The following APOB variants were observed in gnomAD, a reference collection of about 807,000 sequenced individuals.
The protein encoded by APOB is apolipoprotein B-100.
In APOB, 153 loss-of-function variants were observed where a neutral mutation model predicts 314.1. The observed-to-expected ratio is 0.49, with a 90% CI of 0.43 to 0.56. The LOEUF (loss-of-function observed/expected upper bound fraction) is 0.56, where lower values mean the gene tolerates loss of function less well. APOB is among the 20% of genes least tolerant of loss of function. The probability of loss-of-function intolerance (pLI) is 0.00; values close to 1 mark genes in which losing one functional copy is unlikely to be tolerated. For missense variants in APOB, 5,430 were observed against 5,350.7 expected (o/e 1.01, Z -0.46); for synonymous variants, 2,087 against 2,036.4 (o/e 1.02, Z -0.67).
chr2:21,036,265 G>C (rs1429135932), intron 6 of APOB, among the ~76,000 whole-genome samples: 3 of 152,162 alleles, frequency 2.0e-5, no homozygotes, highest in African/African-American at 7.2e-5. Flanking sequence ...ATCTGCCACT[G>C]TCCCTTCCTT....
chr2:21,011,269 G>C lies in APOB; in HGVS notation c.5599C>G (p.Arg1867Gly). The change falls in exon 26 of 29, where the codon CGG becomes GGG. Residue 1867 changes from arginine to glycine, a missense_variant. Arg to Gly is a moderately radical substitution (Grantham distance 125). Transcript: ENST00000233242. ...AGCCCAGCGATGTCTGTGTTGAGCC[G>C]ATGGCTAAACTCCACACCCTGAACC... is the stretch of plus-strand genomic sequence containing the variant. ...AKVQGVEFSH[R>G]LNTDIAGLAS... 1 of 1,614,176 alleles carries C rather than the reference G, an allele frequency of 6.2e-7. No individual in the cohort carries two copies. Among genetic ancestry groups the C allele is most frequent in the Non-Finnish European group, 8.5e-7 (1 of 1,180,012 alleles).
At chr2:21,027,066 G>T in intron 14 of APOB, 102 bp from the exon 15 acceptor site, 1 of 1,046,838 alleles carries the variant, frequency 9.6e-7, no homozygotes, top group Non-Finnish European at 1.5e-6. Flanking sequence ...ACAAGTATTT[G>T]AATACCACAG....
chr2:21,035,444 G>A (rs1663978948), intron 7 of APOB, 140 bp downstream of exon 7: 1 of 1,105,572 alleles, frequency 9.0e-7, no homozygotes, highest in Non-Finnish European at 1.3e-6. Context: ...GCTTAAAAAG[G>A]GGGACAGGGA....
At position 21,015,438 on chromosome 2, in the gene APOB, A is replaced by G; in HGVS notation, c.3440T>C (p.Leu1147Pro). Reference protein sequence around the residue: ...ILAHWSPAKLLLQMDSSATAY... With the variant: ...ILAHWSPAKLPLQMDSSATAY... The stretch of plus-strand genomic sequence containing the variant: ...TGTAGCAGATGAGTCCATTTGGAGA[A>G]GCAGTTTGGCAGGCGACCAGTGGGC... The change falls in exon 22 of 29, where the codon CTT becomes CCT. Residue 1147 changes from leucine to proline, a missense_variant. Physicochemically the swap from Leu to Pro is moderately conservative, Grantham distance 98 (BLOSUM62 -3). Around this residue, in one of 3 missense-constraint regions of APOB, gnomAD observed 2,085 missense variants for 2,079.7 expected, o/e 1.00. Transcript: ENST00000233242. 1 of 1,614,186 alleles carries G rather than the reference A, an allele frequency of 6.2e-7. No individual in the cohort carries two copies. Among genetic ancestry groups the G allele is most frequent in the Non-Finnish European group, 8.5e-7 (1 of 1,180,034 alleles).
rs962782390 is a variant in APOB, at chr2:21,010,945, C to A, written c.5923G>T (p.Ala1975Ser). 1.9e-6 allele frequency: 3 copies of A among 1,614,122 alleles called. No individual in the cohort carries two copies. Among genetic ancestry groups the A allele is most frequent in the Non-Finnish European group, 2.5e-6 (3 of 1,180,000 alleles). ...AGTTTCCAGGTGCCTGTCTGCTCAG[C>A]TGGAGTAAGCAGGGCACTGACTTTG... ...EHKVSALLTP[A>S]EQTGTWKLKT... Residue 1975 changes from alanine (A) to serine (S), a missense_variant, in exon 26 of 29, where the codon GCT becomes TCT. Physicochemically the swap from Ala to Ser is moderately conservative, Grantham distance 99 (BLOSUM62 1). Around this residue, in one of 3 missense-constraint regions of APOB, gnomAD observed 3,281 missense variants for 3,171.0 expected, o/e 1.03. Transcript: ENST00000233242.
chr2:21,034,885 C>T lies in APOB; in HGVS notation c.835G>A (p.Val279Ile), dbSNP rs778191896. The part of the protein sequence containing the change: ...PFSYKNKYGM[V>I]AQVTQTLKLE... ...TTCAAAGTCTGTGTCACTTGTGCTA[C>T]CATCCCATACTTATTCCTGGTAACC... The change falls in exon 8 of 29, where the codon GTA becomes ATA. Residue 279 changes from valine to isoleucine, a missense_variant. This residue lies in a region of APOB where 2,085 missense variants were observed against 2,079.7 expected (regional missense o/e 1.00). Transcript: ENST00000233242. 1 of 1,575,098 alleles carries T rather than the reference C, an allele frequency of 6.3e-7. No homozygotes were observed. The highest frequency in any genetic ancestry group is 1.1e-5 in the South Asian group (1 of 90,252).
chr2:21,016,986 A>AAAAAAAT (rs1553384673), intron 20 of APOB, among the ~76,000 whole-genome samples: 3 of 120,268 alleles, frequency 2.5e-5, no homozygotes, highest in African/African-American at 9.7e-5. Context: ...TCCATCTCAA[A>AAAAAAAT]AAATAAATAA....
chr2:21,019,128 A>G lies in APOB; in HGVS notation c.3000-15T>C, dbSNP rs1246657365. The G allele has an allele frequency of 1.2e-6, 2 of 1,614,040 alleles. No individual in the cohort carries two copies. Among genetic ancestry groups the G allele is most frequent in the Non-Finnish European group, 1.7e-6 (2 of 1,179,960 alleles). On this transcript the variant is annotated splice_polypyrimidine_tract_variant and intron_variant, in intron 19 of 28. Coordinates refer to ENST00000233242, the MANE Select transcript of APOB (RefSeq NM_000384.3). ...CCAGCTCTAATCTAAAGACATTACA[A>G]TGAAGACAGTGCATAATGTTAGAGC...
At chr2:21,004,241 G>A in intron 28 of APOB, 28 bp downstream of exon 28, 1 of 1,611,266 alleles carries the variant, frequency 6.2e-7, no homozygotes, top group Non-Finnish European at 8.5e-7. Flanking sequence ...CGCTCTTGGG[G>A]GCGTGTCACT....
rs1463430320 is a variant in APOB at position 21,007,412 on chromosome 2, TAG to T, written c.9454_9455del (p.Leu3152MetfsTer18). On this transcript the variant is annotated frameshift_variant, in exon 26 of 29. Transcript: ENST00000233242. LOFTEE classifies it high-confidence loss of function. The stretch of plus-strand genomic sequence containing the variant: ...ATTCCTTCAAGCCTGTTTTTTCCCA[TAG>T]AGAGAAATCTTTCAGTGGAGGAGTT... Reference protein sequence around the residue: ...ITTPPLKDFSLWEKTGLKEFL... With the variant: ...ITTPPLKDFSXWEKTGLKEFL... The T allele has an allele frequency of 6.2e-7, 1 of 1,614,010 alleles. No homozygotes were observed. The highest frequency in any genetic ancestry group is 8.5e-7 in the Non-Finnish European group (1 of 1,179,934).
rs1160139035 is a variant in APOB at position 21,011,279 on chromosome 2, C to T, written c.5589G>A (p.Glu1863=). The change falls in exon 26 of 29, where the codon GAG becomes GAA. Residue 1863 remains glutamate (E), a synonymous_variant. Coordinates refer to ENST00000233242, the MANE Select transcript of APOB (RefSeq NM_000384.3). ...ADTVAKVQGV[E]FSHRLNTDIA... ...TGTCTGTGTTGAGCCGATGGCTAAA[C>T]TCCACACCCTGAACCTTAGCAACAG... is the stretch of plus-strand genomic sequence containing the variant. 5 of 1,614,110 alleles carry T rather than the reference C, an allele frequency of 3.1e-6. No individual in the cohort carries two copies. The highest frequency in any genetic ancestry group is 1.7e-5 in the Admixed American group (1 of 60,006).
rs189046815 is a variant in APOB at position 21,017,254 on chromosome 2, C to T, written c.3122-605G>A. On this transcript the variant is annotated intron_variant, in intron 20 of 28. Transcript: ENST00000233242. Reference sequence around the variant, plus strand: ...TTGCCTGTTATGAGCCTATTGTGTGCTGGGCACTGCTCTTGGTACTGGGGA... The same window carrying T: ...TTGCCTGTTATGAGCCTATTGTGTGTTGGGCACTGCTCTTGGTACTGGGGA... Among the ~76,000 whole-genome samples the T allele has an allele frequency of 3.2e-3, 486 of 152,012 alleles. 1 individual carries two copies. Among genetic ancestry groups the T allele is most frequent in the African/African-American group, 0.011 (463 of 41,462 alleles).
intron 14 of APOB, 152 bp downstream of exon 14, chr2:21,027,676 G>T: frequency 1.4e-6 from 1 of 718,086 alleles, no homozygotes. Context: ...AGAGGAAGGC[G>T]GGGAAGGAGG....
chr2:21,004,317 CAT>C lies in APOB; in HGVS notation c.12037_12038del (p.Met4013GlyfsTer2), dbSNP rs1487870705. 1 of 1,613,980 alleles carries C rather than the reference CAT, an allele frequency of 6.2e-7. No homozygotes were observed. The highest frequency in any genetic ancestry group is 8.5e-7 in the Non-Finnish European group (1 of 1,179,916). On this transcript the variant is annotated frameshift_variant, in exon 28 of 29. Coordinates refer to ENST00000233242, the MANE Select transcript of APOB (RefSeq NM_000384.3). LOFTEE classifies it low-confidence loss of function (END_TRUNC). ...ATTTAGAAAAGTCGTCATCTTCATCCATATCCATGCCCACGGTGCCTACGGCT... is the reference window on the plus strand; with the variant it reads ...ATTTAGAAAAGTCGTCATCTTCATCCATCCATGCCCACGGTGCCTACGGCT... ...SPAVGTVGMD[M>X]DEDDDFSKWN...
At chr2:21,024,658 G>T (rs1390251457) in intron 16 of APOB, 2 of 575,652 alleles carry the variant, frequency 3.5e-6, no homozygotes, top group Non-Finnish European at 6.2e-6. Flanking sequence ...CTTCAGCAAA[G>T]GTAGAGGAAG....
rs147330870 is a variant in APOB at position 21,023,027 on chromosome 2, C to G, written c.2620G>C (p.Val874Leu). The change falls in exon 18 of 29, where the codon GTG (valine) becomes CTG (leucine). Residue 874 changes from valine to leucine, a missense_variant. Coordinates refer to ENST00000233242, the MANE Select transcript of APOB (RefSeq NM_000384.3). ...TCCACAGACACGGAGGGTTTTGCCACCAGTTCAGCCTGCATCTATAAGTCA... is the reference window on the plus strand; with the variant it reads ...TCCACAGACACGGAGGGTTTTGCCAGCAGTTCAGCCTGCATCTATAAGTCA... ...LEVANMQAEL[V>L]AKPSVSVEFV... 1.2e-6 allele frequency: 2 copies of G among 1,614,150 alleles called. No individual in the cohort carries two copies. The highest frequency in any genetic ancestry group is 2.2e-5 in the South Asian group (2 of 91,082).
chr2:21,026,424 A>G (rs1179155148), intron 15 of APOB, among the ~76,000 whole-genome samples: 2 of 151,780 alleles, frequency 1.3e-5, no homozygotes, highest in Non-Finnish European at 2.9e-5. Flanking sequence ...GTTTTTTTGT[A>G]TTTTTAGTAG....
In APOB at chr2:21,033,541, G is replaced by A. The variant is rs12720811; in HGVS notation, c.905-23C>T. On this transcript the variant is annotated intron_variant, in intron 8 of 28. Transcript: ENST00000233242. The stretch of plus-strand genomic sequence containing the variant: ...TACCTGGAAGATGGAAAGTGTCAAA[G>A]GAACTCTAGCTTTCTTCATCTCAAC... 2,166 of 1,591,456 alleles carry A rather than the reference G, an allele frequency of 1.4e-3. 29 individuals are homozygous for A. In the African/African-American group the frequency reaches 0.026, roughly 19 times the overall value.
chr2:21,032,120 T>C (rs985041493), intron 10 of APOB, among the ~76,000 whole-genome samples: 6 of 152,206 alleles, frequency 3.9e-5, no homozygotes, highest in Non-Finnish European at 5.9e-5. Context: ...CTGTCAACTT[T>C]GCTATGTTCA....
Sources: gnomAD v4.1 joint callset for allele counts (sites outside exome capture counted in the v4.1 genomes callset) on GRCh38, gnomAD v4.1.1 for gene constraint, gnomAD v4.1.1 regional missense constraint, MANE v1.5 for transcripts, NCBI Gene and HGNC (gene_info 2026-07-23, HGNC 2026-07-21) for gene names.